Variants in PALD1 observed in about 807,000 individuals in gnomAD.
The protein encoded by PALD1 is phosphatase domain containing paladin 1.
Under a neutral mutation model 96.0 loss-of-function variants are expected in PALD1, and 57 were observed. The observed-to-expected ratio is 0.59, with a 90% CI of 0.48 to 0.74. The LOEUF (loss-of-function observed/expected upper bound fraction) is 0.74. Among genes scored for constraint, PALD1 ranks in the 30% least tolerant of loss-of-function variants. The pLI, the probability that PALD1 is intolerant of heterozygous loss-of-function variation, is 0.00. For synonymous variants in PALD1, 464 were observed against 473.6 expected, an observed-to-expected ratio of 0.98 and a Z score of 0.26; for missense variants, 1,063 against 1,143.7, an observed-to-expected ratio of 0.93 and a Z score of 1.02.
chr10:70,504,863 AT>A (rs1307010841), intron 1 of PALD1, among the ~76,000 whole-genome samples: 1 of 152,224 alleles, frequency 6.6e-6, no homozygotes, highest in Non-Finnish European at 1.5e-5. Context: ...CTTTGATCCT[AT>A]GTAAAAATTT....
At chr10:70,517,376 C>T (rs1324045601) in intron 1 of PALD1, among the ~76,000 whole-genome samples, 2 of 145,772 alleles carry the variant, frequency 1.4e-5, no homozygotes, top group Non-Finnish European at 3.0e-5. Context: ...GAGTCTTGCT[C>T]TGTCACCCAG....
intron 18 of PALD1, among the ~76,000 whole-genome samples, chr10:70,553,037 C>T (rs1428329828): frequency 6.6e-6 from 1 of 152,124 alleles, no homozygotes; most frequent in African/African-American, 2.4e-5. Context: ...GATTCCGGCT[C>T]AGTGTGGCCG....
rs141000392 is a variant in PALD1, at chr10:70,484,784, C to T, written c.-30+5725C>T. Among the ~76,000 whole-genome samples the T allele has an allele frequency of 7.8e-3, 1,190 of 152,240 alleles. 11 individuals carry two copies. The highest frequency in any genetic ancestry group is 0.027 in the African/African-American group (1,131 of 41,554). On this transcript the variant is annotated intron_variant, in intron 1 of 19. Coordinates refer to ENST00000263563, the MANE Select transcript of PALD1 (RefSeq NM_014431.3). ...AAACTCCTGACATCAGGTGATCTGC[C>T]CGCCTCGGCCTCCCAAAGTGCTGGG...
intron 17 of PALD1, among the ~76,000 whole-genome samples, chr10:70,541,983 T>C (rs1847258445): frequency 6.6e-6 from 1 of 152,200 alleles, no homozygotes; most frequent in African/African-American, 2.4e-5. Flanking sequence ...TAGTCATCCA[T>C]GTATTGTGCA....
rs1351275525 is a variant in PALD1, at chr10:70,549,869, TGAGA to T, written c.2262+2427_2262+2430del. ...CTTCTGGATGTGAAGTGTTTTTTAA[TGAGA>T]GAGGAAGCAGAGCCAGCTAGGATTC... On this transcript the variant is annotated intron_variant, in intron 18 of 19. Coordinates refer to ENST00000263563, the MANE Select transcript of PALD1 (RefSeq NM_014431.3). 3.9e-5 allele frequency among the ~76,000 whole-genome samples: 6 copies of T among 152,228 alleles called. No individual in the cohort carries two copies. The South Asian group carries it at 1.2e-3, about 32-fold the overall frequency.
chr10:70,490,862 G>T (rs1308669876), intron 1 of PALD1, among the ~76,000 whole-genome samples: 1 of 152,204 alleles, frequency 6.6e-6, no homozygotes, highest in Non-Finnish European at 1.5e-5. Flanking sequence ...TTTTAATGGG[G>T]TATTGCCCGA....
At chr10:70,471,877 C>A in the PALD1 span, among the ~76,000 whole-genome samples, 47 of 152,336 alleles carry the variant, frequency 3.1e-4, no homozygotes, top group African/African-American at 1.1e-3. Flanking sequence ...GATAACACAG[C>A]CAGTGAGGGT....
chr10:70,522,449 A>T (rs112466094), intron 1 of PALD1, among the ~76,000 whole-genome samples: 13,905 of 152,138 alleles, frequency 0.091, 1,502 homozygotes, highest in African/African-American at 0.26. Flanking sequence ...GACCGGGGGC[A>T]CACGTGGTCC....
chr10:70,541,474 G>T lies in PALD1; in HGVS notation c.2061G>T (p.Glu687Asp). The T allele has an allele frequency of 1.2e-6, 2 of 1,613,918 alleles. No homozygotes were observed. The highest frequency in any genetic ancestry group is 8.5e-7 in the Non-Finnish European group (1 of 1,179,908). ...CTGTCTTCCCTCAGGGCTTCCCCGAGGTGGGTGAGGAGGAGCTCGTGAGTG... is the reference window on the plus strand; with the variant it reads ...CTGTCTTCCCTCAGGGCTTCCCCGATGTGGGTGAGGAGGAGCTCGTGAGTG... ...LAFWHIQGFP[E>D]VGEEELVSVP... is the part of the protein sequence containing the mutation. The change falls in exon 17 of 20, where the codon GAG becomes GAT. Residue 687 changes from glutamate to aspartate, a missense_variant. Glu to Asp is a conservative substitution (Grantham distance 45). Transcript: ENST00000263563.
Position 70,566,596 on chromosome 10 carries a change from G to A in PALD1, c.2434G>A (p.Gly812Ser). The A allele has an allele frequency of 1.2e-6, 2 of 1,610,450 alleles. No individual in the cohort carries two copies. Among genetic ancestry groups the A allele is most frequent in the Non-Finnish European group, 1.7e-6 (2 of 1,178,656 alleles). Residue 812 changes from glycine to serine, a missense_variant, in exon 20 of 20, where the codon GGC becomes AGC. Physicochemically the swap from Gly to Ser is moderately conservative, Grantham distance 56 (BLOSUM62 0). Transcript: ENST00000263563. Reference protein sequence around the residue: ...TWMQEVASKAGIYEILNELGF... With the variant: ...TWMQEVASKASIYEILNELGF... Reference sequence around the variant, plus strand: ...CTCCTCCCAGGTGGCATCGAAGGCTGGCATCTACGAGATCCTTAACGAGCT... The same window carrying A: ...CTCCTCCCAGGTGGCATCGAAGGCTAGCATCTACGAGATCCTTAACGAGCT...
At chr10:70,489,991 C>CGCT (rs1026149243) in intron 1 of PALD1, among the ~76,000 whole-genome samples, 35 of 151,888 alleles carry the variant, frequency 2.3e-4, no homozygotes, top group African/African-American at 8.5e-4. Context: ...GGCGTGATCT[C>CGCT]GGCTGATGGC....
chr10:70,547,230 G>T (rs1847384526), intron 17 of PALD1, 76 bp from the exon 18 acceptor site: 1 of 1,392,550 alleles, frequency 7.2e-7, no homozygotes, highest in Non-Finnish European at 1.0e-6. Flanking sequence ...GCCTTTTGGT[G>T]AGGGTGCAAG....
At position 70,564,387 on chromosome 10, in the gene PALD1, A is replaced by G. The variant is rs7093516; in HGVS notation, c.2286A>G (p.Gln762=). Residue 762 remains glutamine, a synonymous_variant, in exon 19 of 20, where the codon CAA becomes CAG. Transcript: ENST00000263563. ...AGGCGAAGGCAGCGAAAGAGGCGCA[A>G]GAAATGCGGAGGCTGCAGCTGCGGA... ...YRQAKAAKEA[Q]EMRRLQLRSL... The G allele has an allele frequency of 0.99, 1,602,823 of 1,613,962 alleles. 796,462 individuals are homozygous for G. Among genetic ancestry groups the G allele is most frequent in the East Asian group, 1 (44,878 of 44,878 alleles).
chr10:70,502,864 C>G (rs1229662476), intron 1 of PALD1, among the ~76,000 whole-genome samples: 1 of 152,072 alleles, frequency 6.6e-6, no homozygotes, highest in Non-Finnish European at 1.5e-5. Context: ...TCTGGGTTCT[C>G]TTCTCTTCTC....
intron 7 of PALD1, 150 bp downstream of exon 7, chr10:70,533,220 GTCTGTC>G (rs1847032793): frequency 1.2e-5 from 8 of 680,386 alleles, no homozygotes; most frequent in Middle Eastern, 2.7e-4. Flanking sequence ...GTGTGTTGGT[GTCTGTC>G]TCTGTATATG....
At chr10:70,507,199 C>A (rs1393004003) in intron 1 of PALD1, among the ~76,000 whole-genome samples, 11 of 149,310 alleles carry the variant, frequency 7.4e-5, no homozygotes, top group Non-Finnish European at 1.3e-4. Flanking sequence ...ATCGGGAGTT[C>A]AAGACCAGCC....
chr10:70,494,774 G>T (rs1459814055), intron 1 of PALD1, among the ~76,000 whole-genome samples: 1 of 152,190 alleles, frequency 6.6e-6, no homozygotes, highest in East Asian at 1.9e-4. Context: ...GAAGGGGACT[G>T]GTCATGTCCT....
At chr10:70,523,558 C>T (rs1202525692) in intron 1 of PALD1, among the ~76,000 whole-genome samples, 2 of 152,162 alleles carry the variant, frequency 1.3e-5, no homozygotes, top group African/African-American at 4.8e-5. Context: ...GCAGAGCTCC[C>T]TCCCCTCTTT....
At chr10:70,535,432 TC>T (rs1847090688) in intron 10 of PALD1, among the ~76,000 whole-genome samples, 2 of 87,330 alleles carry the variant, frequency 2.3e-5, no homozygotes, top group East Asian at 3.9e-4. Flanking sequence ...CCCTTCCTCC[TC>T]CCCCCGCTTC....
Sources: gnomAD v4.1 joint callset for allele counts (sites outside exome capture counted in the v4.1 genomes callset) on GRCh38, gnomAD v4.1.1 for gene constraint, MANE v1.5 for transcripts, NCBI Gene and HGNC (gene_info 2026-07-23, HGNC 2026-07-21) for gene names.